The following PCNX1 variants were observed in gnomAD, a reference collection of about 807,000 sequenced individuals.
PCNX1 encodes the protein pecanex-like protein 1.
PCNX1 carries 78 observed loss-of-function variants against 242.2 expected under a neutral mutation model. The observed-to-expected ratio is 0.32, with a 90% CI of 0.27 to 0.39. The LOEUF is 0.39. Among genes scored for constraint, PCNX1 ranks in the 10% least tolerant of loss-of-function variants. PCNX1 has a pLI of 1.00. For missense variants in PCNX1, 2,581 were observed against 2,856.5 expected (o/e 0.90, Z 2.20); for synonymous variants, 1,024 against 1,032.9 (o/e 0.99, Z 0.17).
intron 3 of PCNX1, among the ~76,000 whole-genome samples, chr14:70,962,536 G>A (rs1277928493): frequency 6.6e-6 from 1 of 152,128 alleles, no homozygotes; most frequent in East Asian, 1.9e-4. Context: ...CATTACCACA[G>A]ACTCATCTTT....
chr14:70,967,908 T>C (rs1205385738), intron 3 of PCNX1, among the ~76,000 whole-genome samples: 3 of 152,152 alleles, frequency 2.0e-5, no homozygotes, highest in Admixed American at 2.0e-4. Context: ...TTGTATGACA[T>C]GAGTTGCTTG....
intron 26 of PCNX1, among the ~76,000 whole-genome samples, chr14:71,062,711 G>A (rs998337221): frequency 6.6e-6 from 1 of 152,122 alleles, no homozygotes; most frequent in Non-Finnish European, 1.5e-5. Flanking sequence ...CTAAGGTATA[G>A]TGTTTATAAA....
intron 24 of PCNX1, among the ~76,000 whole-genome samples, chr14:71,052,328 C>T (rs1386046192): frequency 2.0e-5 from 3 of 151,922 alleles, no homozygotes; most frequent in Admixed American, 6.5e-5. Flanking sequence ...ATCCTCCTGC[C>T]TCAGCCTCCT....
intron 24 of PCNX1, among the ~76,000 whole-genome samples, chr14:71,053,953 A>C (rs2061111879): frequency 6.6e-6 from 1 of 151,858 alleles, no homozygotes; most frequent in Non-Finnish European, 1.5e-5. Context: ...TGATTGAAGT[A>C]GCTGAAAAAA....
At chr14:70,987,426 C>T (rs575727391) in intron 6 of PCNX1, among the ~76,000 whole-genome samples, 1 of 152,234 alleles carries the variant, frequency 6.6e-6, no homozygotes, top group South Asian at 2.1e-4. Flanking sequence ...CATTGGACAA[C>T]AGTTGTAGAT....
At chr14:70,946,148 C>G (rs1426217879) in intron 1 of PCNX1, among the ~76,000 whole-genome samples, 1 of 152,164 alleles carries the variant, frequency 6.6e-6, no homozygotes, top group Non-Finnish European at 1.5e-5. Flanking sequence ...TGATTCTGTC[C>G]TGTGTTCTTT....
intron 1 of PCNX1, among the ~76,000 whole-genome samples, chr14:70,926,029 G>C (rs927510336): frequency 6.6e-6 from 1 of 152,148 alleles, no homozygotes; most frequent in African/African-American, 2.4e-5. Flanking sequence ...CCAAAACTCA[G>C]AGCTGTCCTT....
intron 11 of PCNX1, among the ~76,000 whole-genome samples, chr14:71,017,609 G>C (rs2059993354): frequency 6.6e-6 from 1 of 152,126 alleles, no homozygotes; most frequent in Non-Finnish European, 1.5e-5. Flanking sequence ...ACTTAGCTCT[G>C]ATGCCAAAAA....
intron 9 of PCNX1, among the ~76,000 whole-genome samples, chr14:71,010,565 A>G (rs1047771698): frequency 6.6e-6 from 1 of 152,114 alleles, no homozygotes. Flanking sequence ...GAGCAAATAA[A>G]TTAGAAATCT....
chr14:71,109,884 A>G lies in PCNX1; in HGVS notation c.6975A>G (p.Lys2325=), dbSNP rs1172816625. Residue 2325 remains lysine, a synonymous_variant, in exon 36 of 36, where the codon AAA becomes AAG. Transcript: ENST00000304743. The stretch of plus-strand genomic sequence containing the variant: ...TGCTTCTGGTCCAGATTGATGATAA[A>G]TATGTGACTGTAATTGAAACTGGGG... The part of the protein sequence containing the change: ...KAVLLVQIDD[K]YVTVIETGVL... The G allele has an allele frequency of 2.6e-5, 42 of 1,613,158 alleles. No homozygotes were observed. The highest frequency in any genetic ancestry group is 3.6e-5 in the Non-Finnish European group (42 of 1,179,272).
intron 33 of PCNX1, among the ~76,000 whole-genome samples, chr14:71,106,769 C>G (rs570004487): frequency 6.6e-6 from 1 of 152,232 alleles, no homozygotes; most frequent in Admixed American, 6.5e-5. Flanking sequence ...TGCCTAGTTA[C>G]ATCTTTTGCC....
intron 15 of PCNX1, among the ~76,000 whole-genome samples, chr14:71,028,360 G>C (rs1363036443): frequency 6.6e-6 from 1 of 151,870 alleles, no homozygotes; most frequent in East Asian, 1.9e-4. Context: ...TCCAGTTCCT[G>C]TTCAGGCCTC....
At chr14:70,913,443 A>T (rs912110859) in intron 1 of PCNX1, among the ~76,000 whole-genome samples, 1 of 152,228 alleles carries the variant, frequency 6.6e-6, no homozygotes, top group Non-Finnish European at 1.5e-5. Flanking sequence ...AAGTCATTGA[A>T]AGTGCAGTAC....
chr14:70,989,795 G>A (rs1268188800), intron 7 of PCNX1, among the ~76,000 whole-genome samples: 1 of 152,156 alleles, frequency 6.6e-6, no homozygotes, highest in Non-Finnish European at 1.5e-5. Flanking sequence ...GCCTCGCAAA[G>A]TGCTGGAATT....
At chr14:70,951,623 C>A (rs1040961405) in intron 2 of PCNX1, among the ~76,000 whole-genome samples, 1 of 152,142 alleles carries the variant, frequency 6.6e-6, no homozygotes, top group African/African-American at 2.4e-5. Flanking sequence ...AATCTGCCTG[C>A]CTCGGTCTCC....
intron 8 of PCNX1, among the ~76,000 whole-genome samples, chr14:71,008,946 C>G (rs1490547959): frequency 6.6e-6 from 1 of 151,974 alleles, no homozygotes; most frequent in Admixed American, 6.6e-5. Flanking sequence ...TAAAGTTCAT[C>G]TTAAGAGAAT....
At chr14:70,983,898 A>G (rs1167038476) in intron 6 of PCNX1, among the ~76,000 whole-genome samples, 1 of 151,450 alleles carries the variant, frequency 6.6e-6, no homozygotes, top group African/African-American at 2.4e-5. Flanking sequence ...GAAAGGGAAA[A>G]ACTATTTAGA....
chr14:70,980,508 T>A (rs938506864), intron 6 of PCNX1, among the ~76,000 whole-genome samples: 20 of 152,188 alleles, frequency 1.3e-4, no homozygotes, highest in African/African-American at 3.9e-4. Flanking sequence ...CAGGCTTTTT[T>A]AATTTGAGCT....
At chr14:70,952,146 T>C (rs959923907) in intron 2 of PCNX1, among the ~76,000 whole-genome samples, 1 of 152,216 alleles carries the variant, frequency 6.6e-6, no homozygotes, top group Non-Finnish European at 1.5e-5. Flanking sequence ...AAATAATATA[T>C]AGAGAGTTCT....
Sources: allele counts gnomAD v4.1 joint callset (sites outside exome capture counted in the v4.1 genomes callset), GRCh38; gene constraint gnomAD v4.1.1; transcripts MANE v1.5; gene names NCBI Gene and HGNC (gene_info 2026-07-23, HGNC 2026-07-21).